Variants in KCTD8 observed in about 807,000 individuals in gnomAD.
The protein encoded by KCTD8 is potassium channel tetramerization domain containing 8.
Under a neutral mutation model 31.5 loss-of-function variants are expected in KCTD8, and 27 were observed. That is an observed-to-expected ratio of 0.86 (90% CI 0.63 to 1.18). The LOEUF (loss-of-function observed/expected upper bound fraction) is 1.18, where lower values mean the gene tolerates loss of function less well. Ranked by LOEUF, KCTD8 falls within the 50% of genes most tolerant of loss-of-function variation. KCTD8 has a pLI of 0.00. For synonymous variants in KCTD8, 290 were observed against 280.0 expected, an observed-to-expected ratio of 1.04 and a Z score of -0.36; for missense variants, 658 against 647.7, an observed-to-expected ratio of 1.02 and a Z score of -0.17.
chr4:44,423,319 C>T (rs1721267446), intron 1 of KCTD8, among the ~76,000 whole-genome samples: 1 of 152,118 alleles, frequency 6.6e-6, no homozygotes, highest in Admixed American at 6.6e-5. Flanking sequence ...GAACACATTA[C>T]ACTGTTTTCC....
chr4:44,374,287 A>G (rs4695712), intron 1 of KCTD8, among the ~76,000 whole-genome samples: 2 of 152,184 alleles, frequency 1.3e-5, no homozygotes, highest in African/African-American at 4.8e-5. Context: ...AAAGACTGCT[A>G]GCTCCCACCT....
intron 1 of KCTD8, among the ~76,000 whole-genome samples, chr4:44,292,516 G>C (rs1395196963): frequency 6.6e-6 from 1 of 151,918 alleles, no homozygotes; most frequent in East Asian, 1.9e-4. Context: ...TTACCTATAG[G>C]GTACTATGCT....
chr4:44,441,627 G>A (rs1216589182), intron 1 of KCTD8, among the ~76,000 whole-genome samples: 1 of 152,112 alleles, frequency 6.6e-6, no homozygotes, highest in Non-Finnish European at 1.5e-5. Context: ...AAATAAGACA[G>A]AACTATTCAA....
intron 1 of KCTD8, among the ~76,000 whole-genome samples, chr4:44,415,601 T>C (rs551689846): frequency 3.2e-4 from 49 of 152,176 alleles, no homozygotes; most frequent in Non-Finnish European, 5.7e-4. Context: ...GCTCCCTGCA[T>C]TCCAGCTGCT....
chr4:44,265,640 T>C (rs1199065288), intron 1 of KCTD8, among the ~76,000 whole-genome samples: 1 of 151,948 alleles, frequency 6.6e-6, no homozygotes, highest in African/African-American at 2.4e-5. Flanking sequence ...AGTTAAAAAC[T>C]TTGAAAAAAA....
intron 1 of KCTD8, among the ~76,000 whole-genome samples, chr4:44,210,780 C>T (rs1714464986): frequency 6.6e-6 from 1 of 152,132 alleles, no homozygotes. Context: ...AAGCTAGGGC[C>T]TGGAGCCAGA....
chr4:44,309,578 C>T (rs1188302485), intron 1 of KCTD8, among the ~76,000 whole-genome samples: 1 of 152,052 alleles, frequency 6.6e-6, no homozygotes, highest in Admixed American at 6.6e-5. Context: ...ACAACTTGTA[C>T]TGTTGAATTT....
chr4:44,438,357 G>C (rs1721728910), intron 1 of KCTD8, among the ~76,000 whole-genome samples: 1 of 152,268 alleles, frequency 6.6e-6, no homozygotes, highest in South Asian at 2.1e-4. Flanking sequence ...GAGCCCATCT[G>C]GCTCTGTGAC....
chr4:44,215,539 C>G (rs1714623151), intron 1 of KCTD8, among the ~76,000 whole-genome samples: 1 of 152,120 alleles, frequency 6.6e-6, no homozygotes, highest in South Asian at 2.1e-4. Flanking sequence ...TTAAATTTCA[C>G]ATTTCTATAC....
intron 1 of KCTD8, among the ~76,000 whole-genome samples, chr4:44,341,276 T>C (rs552378679): frequency 6.6e-6 from 1 of 152,348 alleles, no homozygotes; most frequent in East Asian, 1.9e-4. Context: ...GGAGGATCCT[T>C]GCCTAGATGT....
chr4:44,393,808 C>T (rs1720431007), intron 1 of KCTD8, among the ~76,000 whole-genome samples: 1 of 151,872 alleles, frequency 6.6e-6, no homozygotes, highest in Non-Finnish European at 1.5e-5. Context: ...TAAACATTTA[C>T]AGAGCATCTC....
intron 1 of KCTD8, among the ~76,000 whole-genome samples, chr4:44,406,432 A>G (rs547107418): frequency 6.0e-4 from 91 of 152,244 alleles, no homozygotes; most frequent in African/African-American, 2.2e-3. Flanking sequence ...GGTTTCCTCC[A>G]TACTGTTCTC....
intron 1 of KCTD8, among the ~76,000 whole-genome samples, chr4:44,302,638 T>C (rs1423583688): frequency 2.0e-5 from 3 of 152,020 alleles, no homozygotes; most frequent in Non-Finnish European, 2.9e-5. Flanking sequence ...TGGGGTTTTC[T>C]AGATATACAA....
intron 1 of KCTD8, among the ~76,000 whole-genome samples, chr4:44,383,905 T>C (rs1260393567): frequency 2.0e-5 from 3 of 151,862 alleles, no homozygotes; most frequent in African/African-American, 7.3e-5. Flanking sequence ...TAGAAGAAAA[T>C]ATTTGCAAAT....
intron 1 of KCTD8, among the ~76,000 whole-genome samples, chr4:44,277,640 ATAAT>A (rs917009319): frequency 2.0e-5 from 3 of 151,920 alleles, no homozygotes; most frequent in African/African-American, 7.2e-5. Context: ...TTTTTCCTCG[ATAAT>A]TAATTAATTA....
At chr4:44,266,614 T>A (rs1277086874) in intron 1 of KCTD8, among the ~76,000 whole-genome samples, 1 of 150,050 alleles carries the variant, frequency 6.7e-6, no homozygotes, top group African/African-American at 2.4e-5. Context: ...GGATAAAGAG[T>A]CAAGACCCAT....
chr4:44,384,910 T>C (rs1348893089), intron 1 of KCTD8, among the ~76,000 whole-genome samples: 1 of 151,620 alleles, frequency 6.6e-6, no homozygotes, highest in Non-Finnish European at 1.5e-5. Flanking sequence ...CGCATAAATA[T>C]GTATTATTAT....
At chr4:44,340,558 C>T (rs2109418316) in intron 1 of KCTD8, among the ~76,000 whole-genome samples, 1 of 151,116 alleles carries the variant, frequency 6.6e-6, no homozygotes. Flanking sequence ...TCCACCCCGC[C>T]TCGGCCTCCC....
intron 1 of KCTD8, among the ~76,000 whole-genome samples, chr4:44,376,512 C>T (rs533433381): frequency 4.6e-5 from 7 of 152,248 alleles, no homozygotes; most frequent in Middle Eastern, 6.8e-3. Flanking sequence ...GCCTTAATGA[C>T]CCATGTATCT....
Sources: gnomAD v4.1 joint callset for allele counts (sites outside exome capture counted in the v4.1 genomes callset) on GRCh38, gnomAD v4.1.1 for gene constraint, MANE v1.5 for transcripts, NCBI Gene and HGNC (gene_info 2026-07-23, HGNC 2026-07-21) for gene names.